The following SDSL variants were observed in gnomAD, a reference collection of about 807,000 sequenced individuals.
The protein encoded by SDSL is serine dehydratase-like.
A neutral mutation model predicts 27.6 loss-of-function variants in SDSL; 26 were observed. The ratio of observed to expected loss-of-function variants is 0.94; its 90% CI spans 0.69 to 1.31. The LOEUF (loss-of-function observed/expected upper bound fraction) is 1.31, where lower values mean the gene tolerates loss of function less well. Ranked by LOEUF, SDSL falls within the 50% of genes most tolerant of loss-of-function variation. SDSL has a pLI of 0.00. For synonymous variants in SDSL, 196 were observed against 180.6 expected (o/e 1.09, Z -0.69); for missense variants, 431 against 423.5 (o/e 1.02, Z -0.16).
intron 1 of SDSL, 66 bp from the exon 2 acceptor site, chr12:113,427,896 C>G: frequency 6.9e-7 from 1 of 1,448,358 alleles, no homozygotes; most frequent in Non-Finnish European, 9.3e-7. Context: ...ACCTTCCCCT[C>G]CCTGTCCTGG....
chr12:113,437,128 T>G, intron 7 of SDSL: 1 of 260,482 alleles, frequency 3.8e-6, no homozygotes, highest in Non-Finnish European at 7.3e-6. Flanking sequence ...CCTATTGGTT[T>G]GATGTGACTG....
Position 113,428,101 on chromosome 12 carries a change from A to G in SDSL, c.119A>G (p.Asn40Ser). ...AGMPVFLKCE[N>S]VQPSGSFKIR... is the part of the protein sequence containing the mutation. ...ATGCCTGTCTTCCTCAAGTGTGAGA[A>G]TGTGCAGCCCAGCGGCTCCTTCAAG... Residue 40 changes from asparagine (N) to serine (S), a missense_variant, in exon 2 of 8, where the codon AAT becomes AGT. Physicochemically the swap from Asn to Ser is conservative, Grantham distance 46. Transcript: ENST00000403593. 6.2e-7 allele frequency: 1 copy of G among 1,613,850 alleles called. No individual in the cohort carries two copies.
In SDSL at chr12:113,429,310, T is replaced by A. The variant is rs372106218; in HGVS notation, c.354+11T>A. On this transcript the variant is annotated intron_variant, in intron 4 of 7. Transcript: ENST00000403593. ...CAGCTGACTGGAAAGGTAAGGGCTCTGGGAAGGGGAGAACCATCTGGGTGG... is the reference window on the plus strand; with the variant it reads ...CAGCTGACTGGAAAGGTAAGGGCTCAGGGAAGGGGAGAACCATCTGGGTGG... 1.9e-6 allele frequency: 3 copies of A among 1,601,388 alleles called. No homozygotes were observed. Among genetic ancestry groups the A allele is most frequent in the Non-Finnish European group, 2.6e-6 (3 of 1,169,774 alleles).
Position 113,429,195 on chromosome 12 carries a change from A to G in SDSL, c.250A>G (p.Arg84Gly), listed in dbSNP as rs778100333. Residue 84 changes from arginine to glycine, a missense_variant, in exon 4 of 8, where the codon AGG becomes GGG. Coordinates refer to ENST00000403593, the MANE Select transcript of SDSL (RefSeq NM_001304993.2). ...GGGCATCGCTGCTGCCTATGCTGCTAGGAAGCTGGGCATTCCTGCCACCAT... is the reference window on the plus strand; with the variant it reads ...GGGCATCGCTGCTGCCTATGCTGCTGGGAAGCTGGGCATTCCTGCCACCAT... Reference protein sequence around the residue: ...NAGIAAAYAARKLGIPATIVL... With the variant: ...NAGIAAAYAAGKLGIPATIVL... The G allele has an allele frequency of 3.9e-5, 63 of 1,613,690 alleles. No homozygotes were observed. The highest frequency in any genetic ancestry group is 5.0e-5 in the Admixed American group (3 of 59,984).
rs1056839959 is a variant in SDSL, at chr12:113,437,935, C to A, written c.846C>A (p.Ala282=). Residue 282 remains alanine, a synonymous_variant, in exon 8 of 8, where the codon GCC becomes GCA. Transcript: ENST00000403593. The part of the protein sequence containing the change: ...VEPACGAALA[A]IYSGLLRRLQ... ...CTGCCTGTGGGGCAGCCTTAGCAGCCATCTACTCAGGCCTCCTGCGGAGGC... is the reference window on the plus strand; with the variant it reads ...CTGCCTGTGGGGCAGCCTTAGCAGCAATCTACTCAGGCCTCCTGCGGAGGC... 1 of 1,613,802 alleles carries A rather than the reference C, an allele frequency of 6.2e-7. No individual in the cohort carries two copies. The highest frequency in any genetic ancestry group is 8.5e-7 in the Non-Finnish European group (1 of 1,179,858).
At chr12:113,425,631 C>T (rs748518147) in intron 1 of SDSL, 290 of 452,838 alleles carry the variant, frequency 6.4e-4, no homozygotes, top group Non-Finnish European at 1.0e-3. Flanking sequence ...TTTCCTCCCT[C>T]TCATTTCCTC....
chr12:113,423,282 A>G (rs1957812177), intron 1 of SDSL, among the ~76,000 whole-genome samples: 1 of 152,266 alleles, frequency 6.6e-6, no homozygotes, highest in Non-Finnish European at 1.5e-5. Flanking sequence ...TAACACTAGT[A>G]TATTAGAGAA....
chr12:113,436,806 C>G lies in SDSL; in HGVS notation c.727C>G (p.Gln243Glu). The G allele has an allele frequency of 6.2e-7, 1 of 1,612,086 alleles. No homozygotes were observed. The highest frequency in any genetic ancestry group is 1.3e-5 in the African/African-American group (1 of 75,020). Residue 243 changes from glutamine to glutamate, a missense_variant, in exon 7 of 8, where the codon CAG becomes GAG. Physicochemically the swap from Gln to Glu is conservative, Grantham distance 29. Coordinates refer to ENST00000403593, the MANE Select transcript of SDSL (RefSeq NM_001304993.2). Reference sequence around the variant, plus strand: ...GGCCGCTCGGGCCCTGGAGTGCATGCAGGTGTGCAAGATTCACTCTGAAGT... The same window carrying G: ...GGCCGCTCGGGCCCTGGAGTGCATGGAGGTGTGCAAGATTCACTCTGAAGT... The part of the protein sequence containing the change: ...TVAARALECM[Q>E]VCKIHSEVVE...
At chr12:113,433,976 T>C (rs1328425868) in intron 4 of SDSL, among the ~76,000 whole-genome samples, 158 bp from the exon 5 acceptor site, 1 of 152,154 alleles carries the variant, frequency 6.6e-6, no homozygotes, top group Non-Finnish European at 1.5e-5. Context: ...TGTCCAATTC[T>C]CAGGAGGCCT....
intron 1 of SDSL, among the ~76,000 whole-genome samples, chr12:113,426,843 G>A (rs1178915963): frequency 6.6e-6 from 1 of 152,148 alleles, no homozygotes; most frequent in Non-Finnish European, 1.5e-5. Context: ...GGAGGCTGAG[G>A]TGGGAGGACT....
chr12:113,429,424 G>A (rs970600438), intron 4 of SDSL, 125 bp downstream of exon 4: 2 of 1,076,728 alleles, frequency 1.9e-6, no homozygotes, highest in Admixed American at 2.6e-5. Context: ...TCCTCTCTCA[G>A]GATAGCTGAG....
intron 4 of SDSL, among the ~76,000 whole-genome samples, chr12:113,429,572 T>A (rs560793535): frequency 8.5e-5 from 13 of 152,320 alleles, no homozygotes; most frequent in African/African-American, 3.1e-4. Context: ...GTCTGTCTCC[T>A]TATATCCTCA....
intron 3 of SDSL, 61 bp downstream of exon 3, chr12:113,428,520 G>T: frequency 6.7e-7 from 1 of 1,490,754 alleles, no homozygotes; most frequent in Non-Finnish European, 9.2e-7. Context: ...AGGCTGGAGC[G>T]GCAGTACACA....
At chr12:113,437,584 A>C (rs528399293) in intron 7 of SDSL, among the ~76,000 whole-genome samples, 5 of 152,002 alleles carry the variant, frequency 3.3e-5, no homozygotes, top group Non-Finnish European at 5.9e-5. Flanking sequence ...GATGGCTATG[A>C]ATGGGTGGAT....
At chr12:113,430,671 G>A (rs572140580) in intron 4 of SDSL, among the ~76,000 whole-genome samples, 1 of 152,348 alleles carries the variant, frequency 6.6e-6, no homozygotes, top group East Asian at 1.9e-4. Flanking sequence ...GCCAGAGCAA[G>A]TCACACAGCT....
At chr12:113,429,798 T>G (rs1166855068) in intron 4 of SDSL, among the ~76,000 whole-genome samples, 30 of 152,030 alleles carry the variant, frequency 2.0e-4, no homozygotes, top group Non-Finnish European at 5.9e-5. Flanking sequence ...ATCATTCAAA[T>G]AATGGAAAAC....
chr12:113,432,430 T>A (rs539936536), intron 4 of SDSL, among the ~76,000 whole-genome samples: 1 of 152,148 alleles, frequency 6.6e-6, no homozygotes, highest in African/African-American at 2.4e-5. Flanking sequence ...CAACCTCCAC[T>A]GTCCGGGTTC....
intron 1 of SDSL, chr12:113,426,203 T>C (rs770973221): frequency 8.1e-5 from 37 of 455,608 alleles, no homozygotes; most frequent in South Asian, 5.7e-4. Context: ...AGTGCATTTC[T>C]CCCTCGAGGT....
intron 6 of SDSL, among the ~76,000 whole-genome samples, chr12:113,436,293 A>ATT (rs1180862493): frequency 6.9e-5 from 10 of 144,186 alleles, no homozygotes; most frequent in South Asian, 2.2e-4. Flanking sequence ...GTGGATGAGC[A>ATT]TTTTTTTTTT....
Sources: allele counts gnomAD v4.1 joint callset (sites outside exome capture counted in the v4.1 genomes callset), GRCh38; gene constraint gnomAD v4.1.1; transcripts MANE v1.5; gene names NCBI Gene and HGNC (gene_info 2026-07-23, HGNC 2026-07-21).